The following EYS variants were observed in gnomAD, a reference collection of about 807,000 sequenced individuals.
The protein encoded by EYS is EGF-like photoreceptor maintenance factor, also known as protein eyes shut homolog.
EYS carries 250 observed loss-of-function variants against 282.1 expected under a neutral mutation model. That is an observed-to-expected ratio of 0.89 (90% CI 0.80 to 0.98). The LOEUF (loss-of-function observed/expected upper bound fraction) is 0.98. EYS is among the 50% of genes least tolerant of loss of function. The pLI, the probability that EYS is intolerant of heterozygous loss-of-function variation, is 0.00. For synonymous variants in EYS, 1,355 were observed against 1,282.9 expected, an observed-to-expected ratio of 1.06 and a Z score of -1.20; for missense variants, 4,016 against 3,709.0, an observed-to-expected ratio of 1.08 and a Z score of -2.15.
At chr6:64,759,054 G>A (rs181763893) in intron 22 of EYS, among the ~76,000 whole-genome samples, 1 of 152,268 alleles carries the variant, frequency 6.6e-6, no homozygotes, top group Non-Finnish European at 1.5e-5. Context: ...CAGGAGAATG[G>A]CGTGAACCCG....
intron 22 of EYS, among the ~76,000 whole-genome samples, chr6:64,692,618 A>T (rs115140885): frequency 0.022 from 3,316 of 152,054 alleles, 53 homozygotes; most frequent in Non-Finnish European, 0.035. Flanking sequence ...CATTGAAATA[A>T]TTTTTGACTC....
At position 64,752,691 on chromosome 6, in the gene EYS, A is replaced by C. The variant is rs561064098; in HGVS notation, c.3443+60687T>G. ...ATACATTGCAAGATGGATTTCACCA[A>C]GACATATAGTTACTAGGCAATCTAA... On this transcript the variant is annotated intron_variant, in intron 22 of 42. Transcript: ENST00000503581. 2.6e-5 allele frequency among the ~76,000 whole-genome samples: 4 copies of C among 152,296 alleles called. No homozygotes were observed. In the East Asian group the frequency reaches 7.7e-4, roughly 29 times the overall value.
At chr6:65,488,058 T>C (rs924396947) in intron 5 of EYS, among the ~76,000 whole-genome samples, 3 of 152,196 alleles carry the variant, frequency 2.0e-5, no homozygotes, top group African/African-American at 7.2e-5. Flanking sequence ...ATTTAATTCT[T>C]CTCTCTTTTC....
chr6:64,437,332 C>G (rs1256250613), intron 27 of EYS, among the ~76,000 whole-genome samples: 1 of 151,524 alleles, frequency 6.6e-6, no homozygotes, highest in Non-Finnish European at 1.5e-5. Context: ...TATTTAGGAA[C>G]CATAAAACTA....
At chr6:65,160,143 C>A (rs1269413983) in intron 12 of EYS, among the ~76,000 whole-genome samples, 1 of 150,532 alleles carries the variant, frequency 6.6e-6, no homozygotes, top group African/African-American at 2.4e-5. Flanking sequence ...GTTTTTTAAC[C>A]TCAGCATTTA....
At chr6:65,676,951 A>G (rs1768625202) in intron 1 of EYS, among the ~76,000 whole-genome samples, 1 of 151,626 alleles carries the variant, frequency 6.6e-6, no homozygotes, top group African/African-American at 2.4e-5. Flanking sequence ...AAGAGTGAAA[A>G]CCACCTGATC....
intron 34 of EYS, among the ~76,000 whole-genome samples, chr6:63,996,750 C>A (rs1767856131): frequency 6.6e-6 from 1 of 152,012 alleles, no homozygotes; most frequent in South Asian, 2.1e-4. Context: ...ATAGTATTTA[C>A]TTCATATTTT....
chr6:65,105,975 A>T (rs1216220803), intron 12 of EYS, among the ~76,000 whole-genome samples: 1 of 152,104 alleles, frequency 6.6e-6, no homozygotes, highest in East Asian at 1.9e-4. Flanking sequence ...ATGGAGAAAG[A>T]TAGTGAAGTT....
intron 36 of EYS, chr6:63,822,572 AGG>A (rs1771351637): frequency 6.6e-6 from 1 of 152,262 alleles, no homozygotes. Context: ...ACAAATTTAA[AGG>A]GAGAATGGAA....
chr6:64,294,131 T>A (rs1768816922), intron 30 of EYS, among the ~76,000 whole-genome samples: 1 of 152,080 alleles, frequency 6.6e-6, no homozygotes, highest in African/African-American at 2.4e-5. Flanking sequence ...TAGTATCAAC[T>A]TTACTGTTGG....
chr6:64,574,902 T>C (rs1356994186), intron 26 of EYS, among the ~76,000 whole-genome samples: 1 of 152,190 alleles, frequency 6.6e-6, no homozygotes, highest in Non-Finnish European at 1.5e-5. Context: ...AATTTTGCTT[T>C]ATTGATTTCA....
intron 30 of EYS, among the ~76,000 whole-genome samples, chr6:64,269,796 A>G (rs1005601409): frequency 6.6e-6 from 1 of 152,034 alleles, no homozygotes; most frequent in Non-Finnish European, 1.5e-5. Context: ...TGATATTTTT[A>G]TATTTTTAAT....
intron 29 of EYS, among the ~76,000 whole-genome samples, chr6:64,354,440 G>A (rs1771753727): frequency 6.6e-6 from 1 of 151,494 alleles, no homozygotes; most frequent in Non-Finnish European, 1.5e-5. Context: ...AGGTGGGTAA[G>A]TAAAAGTGAA....
At chr6:64,287,242 C>T (rs1768534437) in intron 30 of EYS, among the ~76,000 whole-genome samples, 1 of 152,062 alleles carries the variant, frequency 6.6e-6, no homozygotes, top group Non-Finnish European at 1.5e-5. Context: ...TAATTGTTTT[C>T]CAGCATCAGT....
intron 36 of EYS, among the ~76,000 whole-genome samples, chr6:63,842,974 T>G (rs1401372397): frequency 6.6e-6 from 1 of 152,228 alleles, no homozygotes; most frequent in Admixed American, 6.5e-5. Context: ...ACATATCTGT[T>G]TTGGTACCAG....
At chr6:65,123,180 A>G (rs575743701) in intron 12 of EYS, among the ~76,000 whole-genome samples, 1 of 152,266 alleles carries the variant, frequency 6.6e-6, no homozygotes, top group African/African-American at 2.4e-5. Flanking sequence ...ATGTACAAAC[A>G]TTAAAAAAAT....
rs1279774219 is a variant in EYS at position 65,544,523 on chromosome 6, G to T, written c.-332-48530C>A. Among the ~76,000 whole-genome samples, 3 of 151,940 alleles carry T rather than the reference G, an allele frequency of 2.0e-5. No homozygotes were observed. In the South Asian group the frequency reaches 6.2e-4, roughly 31 times the overall value. ...TAAGGGCTTTCCCCCCTTTTGCTCT[G>T]CACTTCTCCTTGCTGTCACCATGTG... is the stretch of plus-strand genomic sequence containing the variant. On this transcript the variant is annotated intron_variant, in intron 2 of 42. Transcript: ENST00000503581.
At chr6:64,934,557 T>C (rs1002738905) in intron 15 of EYS, among the ~76,000 whole-genome samples, 1 of 151,744 alleles carries the variant, frequency 6.6e-6, no homozygotes, top group Non-Finnish European at 1.5e-5. Flanking sequence ...AGAATAACAA[T>C]TGACTTCCCA....
chr6:64,167,641 T>TACAG (rs1554214559), intron 31 of EYS, among the ~76,000 whole-genome samples: 17 of 152,160 alleles, frequency 1.1e-4, no homozygotes, highest in African/African-American at 4.1e-4. Context: ...CATACGTACA[T>TACAG]ACAGACACAC....
Sources: allele counts gnomAD v4.1 joint callset (sites outside exome capture counted in the v4.1 genomes callset), GRCh38; gene constraint gnomAD v4.1.1; transcripts MANE v1.5; gene names NCBI Gene and HGNC (gene_info 2026-07-23, HGNC 2026-07-21).